DECR2: variants seen among roughly 807,000 people sequenced by gnomAD.
DECR2 encodes the protein 2,4-dienoyl-CoA reductase 2.
DECR2 carries 34 observed loss-of-function variants against 29.2 expected under a neutral mutation model. The ratio of observed to expected loss-of-function variants is 1.16; its 90% CI spans 0.89 to 1.55. The LOEUF (loss-of-function observed/expected upper bound fraction) is 1.55. Among genes scored for constraint, DECR2 ranks in the 40% most tolerant of loss-of-function variants. The pLI is 0.00. For missense variants in DECR2, 485 were observed against 425.3 expected (o/e 1.14, Z -1.23); for synonymous variants, 224 against 182.7 (o/e 1.23, Z -1.82).
intron 1 of DECR2, chr16:403,121 C>G: frequency 1.4e-6 from 1 of 736,204 alleles, no homozygotes; most frequent in Non-Finnish European, 1.7e-6. Context: ...GCCTCAGCCT[C>G]CCAATTCTCC....
At chr16:405,643 C>T (rs1195258194) in intron 2 of DECR2, 1 of 1,287,096 alleles carries the variant, frequency 7.8e-7, no homozygotes, top group Non-Finnish European at 1.0e-6. Flanking sequence ...ACAAGGCAGA[C>T]AGATCCCGTT....
In DECR2 at chr16:410,652, C is replaced by A; in HGVS notation, c.463-39C>A. On this transcript the variant is annotated intron_variant, in intron 5 of 8. Coordinates refer to ENST00000219481, the MANE Select transcript of DECR2 (RefSeq NM_020664.4). This position sits in a 1 kb window ranked among gnomAD's most constrained non-coding sequence, Gnocchi z 4.1. ...CTCACTGTCCTGTGACCTCCCCCGA[C>A]ACCCGCCCGCTCACTGCCCCGGGCC... 1 of 1,554,420 alleles carries A rather than the reference C, an allele frequency of 6.4e-7. No individual in the cohort carries two copies. The highest frequency in any genetic ancestry group is 8.7e-7 in the Non-Finnish European group (1 of 1,145,860).
chr16:407,658 G>A, intron 4 of DECR2, 98 bp downstream of exon 4: 1 of 1,537,560 alleles, frequency 6.5e-7, no homozygotes, highest in Non-Finnish European at 8.8e-7. Flanking sequence ...CCATGCCAGG[G>A]AACCTAGCTG....
chr16:406,824 AG>A (rs2054730657), intron 3 of DECR2: 1 of 567,006 alleles, frequency 1.8e-6, no homozygotes, highest in Non-Finnish European at 2.4e-6. Context: ...CCAAAGTGCC[AG>A]GATTACAGGT....
intron 3 of DECR2, chr16:407,107 C>T: frequency 2.6e-6 from 3 of 1,154,072 alleles, no homozygotes; most frequent in Non-Finnish European, 3.2e-6. Flanking sequence ...CCTACTGGAG[C>T]CCTCGACCTG....
rs762672239 is a variant in DECR2 at position 412,327 on chromosome 16, CCT to C, written c.*441_*442del. On this transcript the variant is annotated 3_prime_UTR_variant, in exon 9 of 9. Coordinates refer to ENST00000219481, the MANE Select transcript of DECR2 (RefSeq NM_020664.4). Reference sequence around the variant, plus strand: ...CCTCCAGCTGCCCACAAGGTCCGCCCCTCTGTCTCTGCACCACCTGTTTGCAT... The same window carrying C: ...CCTCCAGCTGCCCACAAGGTCCGCCCCTGTCTCTGCACCACCTGTTTGCAT... 6.6e-6 allele frequency: 1 copy of C among 152,244 alleles called. No individual in the cohort carries two copies. Among genetic ancestry groups the C allele is most frequent in the East Asian group, 1.9e-4 (1 of 5,202 alleles). 9.4% of individuals were successfully genotyped at this position (152,244 alleles called of 1,614,324 possible). A position where few individuals can be genotyped will look rare whatever the true frequency, so the allele number is the denominator to read the frequency against.
rs764338169 is a variant in DECR2 at position 410,949 on chromosome 16, A to T, written c.557-23A>T. 6.3e-7 allele frequency: 1 copy of T among 1,579,104 alleles called. No homozygotes were observed. The highest frequency in any genetic ancestry group is 1.2e-5 in the South Asian group (1 of 86,478). ...TCGCAGAGGGCAGAGCGGCCCTTTCATATCCAACTTTCTTCTGTGCAGACG... is the reference window on the plus strand; with the variant it reads ...TCGCAGAGGGCAGAGCGGCCCTTTCTTATCCAACTTTCTTCTGTGCAGACG... On this transcript the variant is annotated intron_variant, in intron 6 of 8. Transcript: ENST00000219481. This position sits in a 1 kb window ranked among gnomAD's most constrained non-coding sequence, Gnocchi z 4.1.
rs3743892 is a variant in DECR2, at chr16:410,448, G to A, written c.462+81G>A. ...CTGTGAGAAGTTCTTCCGGGTGGGT[G>A]CCTTGTGCGCTCTGTGAGAAGTTCT... On this transcript the variant is annotated intron_variant, in intron 5 of 8. Transcript: ENST00000219481. This position sits in a 1 kb window ranked among gnomAD's most constrained non-coding sequence, Gnocchi z 4.1. The A allele has an allele frequency of 1.3e-6, 2 of 1,574,870 alleles. No individual in the cohort carries two copies. Among genetic ancestry groups the A allele is most frequent in the South Asian group, 2.3e-5 (2 of 87,598 alleles).
At chr16:411,674 C>T (rs1597208465) in intron 8 of DECR2, 96 bp downstream of exon 8, 1 of 1,360,574 alleles carries the variant, frequency 7.3e-7, no homozygotes, top group African/African-American at 1.4e-5. Context: ...GCTGGCGTCT[C>T]CTTTGTCCCC....
At chr16:411,327 G>A in intron 7 of DECR2, 34 bp from the exon 8 acceptor site, 2 of 1,580,388 alleles carry the variant, frequency 1.3e-6, no homozygotes, top group Admixed American at 1.7e-5. Context: ...GGGTCTTGGG[G>A]CTCACGGGGC....
Position 401,979 on chromosome 16 carries a change from C to G in DECR2, c.16C>G (p.Pro6Ala). Residue 6 changes from proline (P) to alanine (A), a missense_variant, in exon 1 of 9, where the codon CCC (proline) becomes GCC (alanine). Transcript: ENST00000219481. MAQPP[P>A]DVEGDDCLPA... Reference sequence around the variant, plus strand: ...CGGGAGCGCCATGGCCCAGCCGCCGCCCGACGTGGAGGGGGACGACTGTCT... The same window carrying G: ...CGGGAGCGCCATGGCCCAGCCGCCGGCCGACGTGGAGGGGGACGACTGTCT... 6.7e-7 allele frequency: 1 copy of G among 1,491,062 alleles called. No homozygotes were observed. Among genetic ancestry groups the G allele is most frequent in the Non-Finnish European group, 8.9e-7 (1 of 1,128,468 alleles). The allele number at this position is 1,491,062 out of a possible 1,614,324, so 92.4% of individuals were successfully genotyped here.
chr16:411,290 A>G lies in DECR2; in HGVS notation c.662-71A>G, dbSNP rs2054815657. 5 of 1,446,118 alleles carry G rather than the reference A, an allele frequency of 3.5e-6. No homozygotes were observed. The South Asian group carries it at 5.1e-5, about 15-fold the overall frequency. 89.6% of individuals were successfully genotyped at this position (1,446,118 alleles called of 1,614,324 possible). The stretch of plus-strand genomic sequence containing the variant: ...GCTGTTCCCAGATGCCTCTCAGGGA[A>G]TGAGCTGGGGGAGAGGGGAGGGTGC... On this transcript the variant is annotated intron_variant, in intron 7 of 8. Coordinates refer to ENST00000219481, the MANE Select transcript of DECR2 (RefSeq NM_020664.4).
intron 2 of DECR2, chr16:405,373 C>A: frequency 1.8e-6 from 1 of 548,260 alleles, no homozygotes; most frequent in Non-Finnish European, 3.0e-6. Flanking sequence ...CAACTTATCC[C>A]ACCTGACAGT....
At chr16:409,435 G>T (rs2054783330) in intron 4 of DECR2, among the ~76,000 whole-genome samples, 1 of 151,722 alleles carries the variant, frequency 6.6e-6, no homozygotes, top group Non-Finnish European at 1.5e-5. Flanking sequence ...CTCCCAAAGT[G>T]CTGGGATTAC....
At chr16:407,927 GGCCCCCTGTCTCCGGGCCCCTGTCTCCA>G (rs2054751405) in intron 4 of DECR2, among the ~76,000 whole-genome samples, 1 of 29,260 alleles carries the variant, frequency 3.4e-5, no homozygotes, top group Admixed American at 3.9e-4. Flanking sequence ...CCCCATCTCC[GGCCCCCTGTCTCCGGGCCCCTGTCTCCA>G]GGCCTCTGTC....
At position 410,552 on chromosome 16, in the gene DECR2, G is replaced by A. The variant is rs1232544299; in HGVS notation, c.463-139G>A. On this transcript the variant is annotated intron_variant, in intron 5 of 8. Coordinates refer to ENST00000219481, the MANE Select transcript of DECR2 (RefSeq NM_020664.4). This position sits in a 1 kb window ranked among gnomAD's most constrained non-coding sequence, Gnocchi z 4.1. ...TGCCCTGGGCCTCCCCATGACGGCC[G>A]CCCGCTCCCTGCCCTGGGCCTCCCC... is the stretch of plus-strand genomic sequence containing the variant. 3.2e-5 allele frequency: 46 copies of A among 1,423,032 alleles called. No homozygotes were observed. The highest frequency in any genetic ancestry group is 4.1e-5 in the Non-Finnish European group (42 of 1,037,034). The allele number at this position is 1,423,032 out of a possible 1,614,324, so 88.2% of individuals were successfully genotyped here.
Position 408,066 on chromosome 16 carries a change from CG to C in DECR2, c.337+509del, listed in dbSNP as rs2054758330. ...GCCTCTGTCTCCGGCCCTCTGTCTC[CG>C]GGCCCCTGTCTCCGGGCCCCTGTCT... On this transcript the variant is annotated intron_variant, in intron 4 of 8. Transcript: ENST00000219481. Among the ~76,000 whole-genome samples, 13 of 12,936 alleles carry C rather than the reference CG, an allele frequency of 1.0e-3. 5 individuals are homozygous for C. The highest frequency in any genetic ancestry group is 2.5e-3 in the African/African-American group (12 of 4,842). 8.5% of individuals were successfully genotyped at this position (12,936 alleles called of 152,430 possible).
At position 410,466 on chromosome 16, in the gene DECR2, G is replaced by C. The variant is rs2054799802; in HGVS notation, c.462+99G>C. On this transcript the variant is annotated intron_variant, in intron 5 of 8. Coordinates refer to ENST00000219481, the MANE Select transcript of DECR2 (RefSeq NM_020664.4). This position sits in a 1 kb window ranked among gnomAD's most constrained non-coding sequence, Gnocchi z 4.1. Reference sequence around the variant, plus strand: ...GGTGGGTGCCTTGTGCGCTCTGTGAGAAGTTCTTCCGGGTGGGTGTACTCC... The same window carrying C: ...GGTGGGTGCCTTGTGCGCTCTGTGACAAGTTCTTCCGGGTGGGTGTACTCC... 5 of 1,564,160 alleles carry C rather than the reference G, an allele frequency of 3.2e-6. No homozygotes were observed. The African/African-American group carries it at 5.5e-5, about 17-fold the overall frequency.
At chr16:407,593 T>C in intron 4 of DECR2, 33 bp downstream of exon 4, 1 of 1,611,226 alleles carries the variant, frequency 6.2e-7, no homozygotes, top group Admixed American at 1.7e-5. Context: ...TGGTGGCTTC[T>C]CACAGGTTGG....
Sources: gnomAD v4.1 joint callset for allele counts (sites outside exome capture counted in the v4.1 genomes callset) on GRCh38, gnomAD v4.1.1 for gene constraint, Gnocchi (gnomAD v3.1) non-coding constraint, MANE v1.5 for transcripts, NCBI Gene and HGNC (gene_info 2026-07-23, HGNC 2026-07-21) for gene names.